The following CAMTA1 variants were observed in gnomAD, a reference collection of about 807,000 sequenced individuals.
CAMTA1 encodes calmodulin binding transcription activator 1, also known as calmodulin-binding transcription activator 1.
A neutral mutation model predicts 170.9 loss-of-function variants in CAMTA1; 27 were observed. The observed-to-expected ratio is 0.16, with a 90% CI of 0.12 to 0.22. The LOEUF is 0.22. CAMTA1 is among the 10% of genes least tolerant of loss of function. The pLI, the probability that CAMTA1 is intolerant of heterozygous loss-of-function variation, is 1.00. For synonymous variants in CAMTA1, 833 were observed against 891.5 expected (o/e 0.93, Z 1.17); for missense variants, 1,619 against 2,217.2 (o/e 0.73, Z 5.42).
intron 5 of CAMTA1, among the ~76,000 whole-genome samples, chr1:7,394,061 T>C (rs1405096084): frequency 1.3e-5 from 2 of 152,338 alleles, no homozygotes; most frequent in East Asian, 3.9e-4. Flanking sequence ...GAGTATTCCA[T>C]TGTGTATATG....
intron 4 of CAMTA1, among the ~76,000 whole-genome samples, chr1:7,215,663 G>C (rs1439739047): frequency 6.6e-6 from 1 of 152,162 alleles, no homozygotes; most frequent in Non-Finnish European, 1.5e-5. Flanking sequence ...CAAAGTGCTG[G>C]GATTACAGGT....
Position 6,820,238 on chromosome 1 carries a change from C to T in CAMTA1, c.103C>T (p.Pro35Ser). 1 of 1,613,890 alleles carries T rather than the reference C, an allele frequency of 6.2e-7. No individual in the cohort carries two copies. The highest frequency in any genetic ancestry group is 8.5e-7 in the Non-Finnish European group (1 of 1,179,784). Residue 35 changes from proline (P) to serine (S), a missense_variant, in exon 2 of 23, where the codon CCA becomes TCA. This residue lies in a region of CAMTA1 where 61 missense variants were observed against 57.7 expected (regional missense o/e 1.06). Coordinates refer to ENST00000303635, the MANE Select transcript of CAMTA1 (RefSeq NM_015215.4). ...TSTYCVLNTV[P>S]PIEDDHGNSN... The stretch of plus-strand genomic sequence containing the variant: ...CACCTACTGTGTTCTCAACACCGTG[C>T]CACCTATAGAAGGTAGGATTTGAAA...
intron 3 of CAMTA1, among the ~76,000 whole-genome samples, chr1:6,864,966 T>A (rs948995167): frequency 2.6e-4 from 40 of 152,152 alleles, no homozygotes; most frequent in Admixed American, 7.2e-4. Flanking sequence ...TGAAATTTTT[T>A]AAAAATTAAA....
chr1:7,690,992 G>GGA (rs2096304216), intron 11 of CAMTA1, among the ~76,000 whole-genome samples: 1 of 152,194 alleles, frequency 6.6e-6, no homozygotes, highest in African/African-American at 2.4e-5. Flanking sequence ...CACGTGATGA[G>GGA]TATCAGAAGA....
At chr1:7,279,038 G>C (rs1557427852) in intron 5 of CAMTA1, among the ~76,000 whole-genome samples, 1 of 152,104 alleles carries the variant, frequency 6.6e-6, no homozygotes, top group Non-Finnish European at 1.5e-5. Context: ...ATATGCAAAG[G>C]CCCTGGGGGC....
At chr1:7,644,648 G>A (rs2095790768) in intron 7 of CAMTA1, among the ~76,000 whole-genome samples, 1 of 152,244 alleles carries the variant, frequency 6.6e-6, no homozygotes, top group African/African-American at 2.4e-5. Context: ...CCAGTGGAAA[G>A]AGGAGAAAAT....
chr1:7,731,202 C>T (rs1196837876), intron 11 of CAMTA1, among the ~76,000 whole-genome samples: 3 of 152,014 alleles, frequency 2.0e-5, no homozygotes, highest in South Asian at 2.1e-4. Context: ...AATCCTAGCT[C>T]CAACAGTAAT....
chr1:7,474,135 C>G (rs535870842), intron 6 of CAMTA1, among the ~76,000 whole-genome samples: 1 of 150,016 alleles, frequency 6.7e-6, no homozygotes, highest in African/African-American at 2.5e-5. Flanking sequence ...CAAAGAAGCA[C>G]CTATTAGCTG....
intron 3 of CAMTA1, among the ~76,000 whole-genome samples, chr1:7,021,374 G>C (rs980294180): frequency 7.9e-5 from 12 of 152,176 alleles, no homozygotes; most frequent in African/African-American, 2.9e-4. Flanking sequence ...GGAATGCACA[G>C]ATGTGCCCTC....
chr1:7,712,369 G>A (rs967286088), intron 11 of CAMTA1, among the ~76,000 whole-genome samples: 4 of 151,642 alleles, frequency 2.6e-5, no homozygotes, highest in South Asian at 2.1e-4. Flanking sequence ...TGCCCAGGCC[G>A]AAGTGTAGTG....
intron 5 of CAMTA1, among the ~76,000 whole-genome samples, chr1:7,418,845 C>G (rs2149302252): frequency 6.6e-6 from 1 of 152,324 alleles, no homozygotes; most frequent in East Asian, 1.9e-4. Flanking sequence ...AGCCTGTTGG[C>G]TCTGCCCTTG....
chr1:6,913,990 G>A (rs1289332788), intron 3 of CAMTA1, among the ~76,000 whole-genome samples: 3 of 151,878 alleles, frequency 2.0e-5, no homozygotes, highest in East Asian at 1.9e-4. Flanking sequence ...ATATCATCTC[G>A]TACTGCTTTT....
intron 6 of CAMTA1, among the ~76,000 whole-genome samples, chr1:7,574,265 C>G (rs1557940460): frequency 6.6e-6 from 1 of 152,076 alleles, no homozygotes; most frequent in Non-Finnish European, 1.5e-5. Flanking sequence ...TGTGCACCTG[C>G]CAAACAGACC....
chr1:6,801,667 C>G (rs1643863320), intron 1 of CAMTA1, among the ~76,000 whole-genome samples: 1 of 151,690 alleles, frequency 6.6e-6, no homozygotes, highest in African/African-American at 2.4e-5. Context: ...GCATATTTTG[C>G]CACAATTAAA....
intron 3 of CAMTA1, among the ~76,000 whole-genome samples, chr1:7,033,623 C>T (rs1402855245): frequency 1.7e-5 from 2 of 118,526 alleles, no homozygotes; most frequent in East Asian, 2.7e-4. Flanking sequence ...TACAGAGTCT[C>T]ACTCTGTTGC....
At chr1:7,378,688 A>T (rs2087034390) in intron 5 of CAMTA1, among the ~76,000 whole-genome samples, 1 of 152,166 alleles carries the variant, frequency 6.6e-6, no homozygotes, top group African/African-American at 2.4e-5. Flanking sequence ...TGATGGTTAC[A>T]CAGCTGAGAA....
At chr1:7,358,143 T>C (rs2085266209) in intron 5 of CAMTA1, among the ~76,000 whole-genome samples, 1 of 152,188 alleles carries the variant, frequency 6.6e-6, no homozygotes, top group African/African-American at 2.4e-5. Flanking sequence ...AAGAGGTTAA[T>C]TGGAAAGGTT....
rs1691372710 is a variant in CAMTA1, at chr1:6,965,508, C to T, written c.235-125796C>T. Among the ~76,000 whole-genome samples the T allele has an allele frequency of 6.6e-6, 1 of 152,040 alleles. No individual in the cohort carries two copies. Among genetic ancestry groups the T allele is most frequent in the Non-Finnish European group, 1.5e-5 (1 of 68,008 alleles). On this transcript the variant is annotated intron_variant, in intron 3 of 22. Coordinates refer to ENST00000303635, the MANE Select transcript of CAMTA1 (RefSeq NM_015215.4). The surrounding 1 kb of genome is among the most constrained non-coding windows in gnomAD (Gnocchi z 4.1). ...ATTAGCCCCCCTGGCTCAGAGGGGG[C>T]TGGGCACTGGTAGCAGCTGAAGCAA...
chr1:7,021,172 A>T (rs1314853947), intron 3 of CAMTA1, among the ~76,000 whole-genome samples: 1 of 152,208 alleles, frequency 6.6e-6, no homozygotes, highest in Non-Finnish European at 1.5e-5. Context: ...TGCCAAGTGG[A>T]ATCACTCTGC....
Sources: allele counts gnomAD v4.1 joint callset (sites outside exome capture counted in the v4.1 genomes callset), GRCh38; gene constraint gnomAD v4.1.1; regional missense constraint gnomAD v4.1.1; non-coding constraint Gnocchi (gnomAD v3.1); transcripts MANE v1.5; gene names NCBI Gene and HGNC (gene_info 2026-07-23, HGNC 2026-07-21).